ATRNL1: variants seen among roughly 807,000 people sequenced by gnomAD.
ATRNL1 encodes attractin-like protein 1.
In ATRNL1, 95 loss-of-function variants were observed where a neutral mutation model predicts 182.7. The ratio of observed to expected loss-of-function variants is 0.52; its 90% CI spans 0.44 to 0.62. The LOEUF (loss-of-function observed/expected upper bound fraction) is 0.62, where lower values mean the gene tolerates loss of function less well. ATRNL1 is among the 20% of genes least tolerant of loss of function. The pLI, the probability that ATRNL1 is intolerant of heterozygous loss-of-function variation, is 0.00. For synonymous variants in ATRNL1, 576 were observed against 568.3 expected, an observed-to-expected ratio of 1.01 and a Z score of -0.19; for missense variants, 1,471 against 1,679.5, an observed-to-expected ratio of 0.88 and a Z score of 2.17.
At chr10:115,529,803 A>G (rs1297611561) in intron 25 of ATRNL1, among the ~76,000 whole-genome samples, 1 of 152,150 alleles carries the variant, frequency 6.6e-6, no homozygotes, top group Non-Finnish European at 1.5e-5. Flanking sequence ...GAAAGTGCAC[A>G]GTTATTCTTC....
intron 8 of ATRNL1, among the ~76,000 whole-genome samples, chr10:115,200,968 CTGA>C (rs1348872912): frequency 1.3e-5 from 2 of 151,046 alleles, no homozygotes; most frequent in Non-Finnish European, 3.0e-5. Flanking sequence ...TTGCATTTCT[CTGA>C]TGGCCAGTGA....
intron 5 of ATRNL1, among the ~76,000 whole-genome samples, chr10:115,149,395 C>T (rs1361423185): frequency 1.3e-5 from 2 of 152,018 alleles, no homozygotes; most frequent in Non-Finnish European, 2.9e-5. Context: ...GGAAATTCCA[C>T]TGAGAACTCT....
At chr10:115,601,127 G>A (rs1555015814) in intron 26 of ATRNL1, among the ~76,000 whole-genome samples, 1 of 150,966 alleles carries the variant, frequency 6.6e-6, no homozygotes, top group African/African-American at 2.4e-5. Flanking sequence ...TTCTTCTTTG[G>A]CTCATGACTT....
chr10:115,858,771 A>G (rs1446412941), intron 28 of ATRNL1, among the ~76,000 whole-genome samples: 5 of 152,158 alleles, frequency 3.3e-5, no homozygotes, highest in South Asian at 2.1e-4. Context: ...TGGTTTATAT[A>G]AAACTGCCAA....
At chr10:115,530,588 A>C (rs1226532848) in intron 25 of ATRNL1, among the ~76,000 whole-genome samples, 1 of 152,170 alleles carries the variant, frequency 6.6e-6, no homozygotes, top group African/African-American at 2.4e-5. Context: ...GAATAATGCA[A>C]AGTTAAGTAT....
chr10:115,332,644 T>C (rs1410122065), intron 18 of ATRNL1, among the ~76,000 whole-genome samples: 1 of 152,220 alleles, frequency 6.6e-6, no homozygotes. Flanking sequence ...CTTTCTATAA[T>C]GTGTTACAAT....
Position 115,587,093 on chromosome 10 carries a change from A to G in ATRNL1, c.3795+37557A>G, listed in dbSNP as rs1555010237. ...GGGTCAGGGGTCAGGGATTCACTTG[A>G]GGAGGCAGTCTGCCCGTTCTCAGAT... On this transcript the variant is annotated intron_variant, in intron 26 of 28. Coordinates refer to ENST00000355044, the MANE Select transcript of ATRNL1 (RefSeq NM_207303.4). Among the ~76,000 whole-genome samples, 3 of 148,988 alleles carry G rather than the reference A, an allele frequency of 2.0e-5. No individual in the cohort carries two copies. In the South Asian group the frequency reaches 6.7e-4, roughly 33 times the overall value.
intron 13 of ATRNL1, among the ~76,000 whole-genome samples, chr10:115,276,937 C>T (rs1387336024): frequency 6.6e-6 from 1 of 152,028 alleles, no homozygotes; most frequent in East Asian, 1.9e-4. Flanking sequence ...TGGATGGAGA[C>T]TCTGTTACCA....
chr10:115,906,459 C>G (rs1555114571), intron 28 of ATRNL1, among the ~76,000 whole-genome samples: 1 of 152,108 alleles, frequency 6.6e-6, no homozygotes, highest in Non-Finnish European at 1.5e-5. Flanking sequence ...GGCCCTGGCA[C>G]AGAGCAGGCT....
intron 28 of ATRNL1, among the ~76,000 whole-genome samples, chr10:115,943,613 C>CTT (rs71010059): frequency 6.3e-4 from 92 of 146,754 alleles, no homozygotes; most frequent in South Asian, 1.1e-3. Flanking sequence ...TACAGTTTGG[C>CTT]TTTTTTTTTT....
chr10:115,934,016 G>A (rs1024136768), intron 28 of ATRNL1, among the ~76,000 whole-genome samples: 6 of 152,118 alleles, frequency 3.9e-5, no homozygotes, highest in African/African-American at 1.4e-4. Context: ...CTTGCTAATG[G>A]CATGGGAACA....
intron 28 of ATRNL1, among the ~76,000 whole-genome samples, chr10:115,893,557 C>A (rs1555111767): frequency 1.3e-5 from 2 of 152,090 alleles, no homozygotes; most frequent in Admixed American, 1.3e-4. Context: ...TTATATCTTG[C>A]CTTCTTCTGT....
At chr10:115,531,639 C>G (rs1364673505) in intron 25 of ATRNL1, among the ~76,000 whole-genome samples, 2 of 149,754 alleles carry the variant, frequency 1.3e-5, no homozygotes, top group Non-Finnish European at 3.0e-5. Flanking sequence ...TTAATTAGAT[C>G]CCATTTGTCA....
chr10:115,503,979 A>T (rs1359948621), intron 24 of ATRNL1, among the ~76,000 whole-genome samples: 1 of 151,934 alleles, frequency 6.6e-6, no homozygotes, highest in Non-Finnish European at 1.5e-5. Context: ...TGAATTAGAC[A>T]AAATTTGTTC....
chr10:115,779,442 C>A (rs560182279), intron 27 of ATRNL1, among the ~76,000 whole-genome samples: 1 of 152,286 alleles, frequency 6.6e-6, no homozygotes, highest in African/African-American at 2.4e-5. Flanking sequence ...AATTGAGCAT[C>A]TACAATGTCA....
rs533377654 is a variant in ATRNL1, at chr10:115,602,452, C to G, written c.3795+52916C>G. Among the ~76,000 whole-genome samples the G allele has an allele frequency of 1.7e-4, 7 of 41,030 alleles. No homozygotes were observed. The South Asian group carries it at 3.5e-3, about 20-fold the overall frequency. 26.9% of individuals were successfully genotyped at this position (41,030 alleles called of 152,430 possible). On this transcript the variant is annotated intron_variant, in intron 26 of 28. Transcript: ENST00000355044. ...TTTTGTTTACACACACAAAAAAACT[C>G]TCTGGACACCAACTTAGTGTCTTAT...
chr10:115,171,195 T>A lies in ATRNL1; in HGVS notation c.1251T>A (p.His417Gln), dbSNP rs1847276389. 1 of 1,611,234 alleles carries A rather than the reference T, an allele frequency of 6.2e-7. No individual in the cohort carries two copies. The highest frequency in any genetic ancestry group is 1.3e-5 in the African/African-American group (1 of 74,824). The change falls in exon 8 of 29, where the codon CAT becomes CAA. Residue 417 changes from histidine to glutamine, a missense_variant. His to Gln is a conservative substitution (Grantham distance 24, BLOSUM62 0). Around this residue, in one of 3 missense-constraint regions of ATRNL1, gnomAD observed 1,031 missense variants for 1,156.0 expected, o/e 0.89. Transcript: ENST00000355044. ...ATGCTGTGGAGGGACATTCAGCACA[T>A]ATTATGGAGTTGGATAGTAGAGATG... ...QQYAVEGHSAHIMELDSRDVV... is the reference protein window; with the variant it reads ...QQYAVEGHSAQIMELDSRDVV...
At chr10:115,551,419 G>A (rs2133813674) in intron 26 of ATRNL1, among the ~76,000 whole-genome samples, 1 of 151,518 alleles carries the variant, frequency 6.6e-6, no homozygotes, top group South Asian at 2.1e-4. Context: ...ACAAATAGTA[G>A]AGGGGAGCTA....
At chr10:115,704,937 T>C (rs1946850773) in intron 26 of ATRNL1, among the ~76,000 whole-genome samples, 1 of 151,712 alleles carries the variant, frequency 6.6e-6, no homozygotes, top group Non-Finnish European at 1.5e-5. Flanking sequence ...GTTAACTCCT[T>C]CTTCTCCTTC....
Sources: gnomAD v4.1 joint callset for allele counts (sites outside exome capture counted in the v4.1 genomes callset) on GRCh38, gnomAD v4.1.1 for gene constraint, gnomAD v4.1.1 regional missense constraint, MANE v1.5 for transcripts, NCBI Gene and HGNC (gene_info 2026-07-23, HGNC 2026-07-21) for gene names.